The following LZTR1 variants were observed in gnomAD, a reference collection of about 807,000 sequenced individuals.
The protein encoded by LZTR1 is leucine-zipper-like transcriptional regulator 1.
LZTR1 carries 260 observed loss-of-function variants against 105.7 expected under a neutral mutation model. That is an observed-to-expected ratio of 2.46 (90% confidence interval 2.22 to 2.72). The LOEUF (loss-of-function observed/expected upper bound fraction) is 2.72, where lower values mean the gene tolerates loss of function less well. Among genes scored for constraint, LZTR1 ranks in the 30% most tolerant of loss-of-function variants. The pLI is 0.00. For missense variants in LZTR1, 1,214 were observed against 1,166.9 expected, an observed-to-expected ratio of 1.04 and a Z score of -0.59; for synonymous variants, 490 against 476.4, an observed-to-expected ratio of 1.03 and a Z score of -0.37.
In LZTR1 at chr22:20,995,441, C is replaced by A. The variant is rs1276375326; in HGVS notation, c.1943-305C>A. On this transcript the variant is annotated intron_variant, in intron 16 of 20. Coordinates refer to ENST00000646124, the MANE Select transcript of LZTR1 (RefSeq NM_006767.4). ...GCTGGCTCTTGGTGATGTCTGCAGGCACCAGAGGCCATGCAGTGGGCCTGG... is the reference window on the plus strand; with the variant it reads ...GCTGGCTCTTGGTGATGTCTGCAGGAACCAGAGGCCATGCAGTGGGCCTGG... The A allele has an allele frequency of 4.7e-6, 3 of 634,992 alleles. No individual in the cohort carries two copies. The Admixed American group carries it at 6.3e-5, about 13-fold the overall frequency. 39.3% of individuals were successfully genotyped at this position (634,992 alleles called of 1,614,324 possible). A position where few individuals can be genotyped will look rare whatever the true frequency, so the allele number is the denominator to read the frequency against.
rs774765005 is a variant in LZTR1, at chr22:20,982,515, C to G, written c.144C>G (p.Phe48Leu). 42 of 1,613,046 alleles carry G rather than the reference C, an allele frequency of 2.6e-5. No homozygotes were observed. The East Asian group carries it at 9.1e-4, about 35-fold the overall frequency. ...VEYLTLNFGP[F>L]ETVHRWRRLP... ...ACCTGACGCTCAACTTCGGGCCCTT[C>G]GAAACAGTGCATCGCTGGCGGCGCC... is the stretch of plus-strand genomic sequence containing the variant. The change falls in exon 1 of 21, where the codon TTC (phenylalanine) becomes TTG (leucine). Residue 48 changes from phenylalanine (F) to leucine (L), a missense_variant. Transcript: ENST00000646124.
At chr22:20,997,124 T>C in intron 20 of LZTR1, 108 bp from the exon 21 acceptor site, 1 of 1,124,246 alleles carries the variant, frequency 8.9e-7, no homozygotes, top group Non-Finnish European at 1.3e-6. Flanking sequence ...GCTTCATCCT[T>C]GGGACCAGCC....
rs116921548 is a variant in LZTR1 at position 20,997,425 on chromosome 22, C to G, written c.*77C>G. On this transcript the variant is annotated 3_prime_UTR_variant, in exon 21 of 21. Coordinates refer to ENST00000646124, the MANE Select transcript of LZTR1 (RefSeq NM_006767.4). ...CCTACTGAGAAGACTACCGGCTATG[C>G]GCATGCCTATGGCAGTGGGTGCACC... The G allele has an allele frequency of 0.017, 19,179 of 1,111,270 alleles. 1,271 individuals carry two copies. In the East Asian group the frequency reaches 0.18, roughly 10 times the overall value. 68.8% of individuals were successfully genotyped at this position (1,111,270 alleles called of 1,614,324 possible).
intron 1 of LZTR1, 67 bp downstream of exon 1, chr22:20,982,638 A>T (rs1924238253): frequency 1.3e-6 from 2 of 1,506,422 alleles, no homozygotes; most frequent in African/African-American, 2.7e-5. Flanking sequence ...GGGCGGGTCC[A>T]GGGGCGAAGC....
intron 2 of LZTR1, among the ~76,000 whole-genome samples, chr22:20,984,506 A>G (rs1408664101): frequency 1.3e-5 from 2 of 151,944 alleles, no homozygotes; most frequent in East Asian, 1.9e-4. Flanking sequence ...TTGCTGCAGT[A>G]TGACAAAGAA....
chr22:20,994,390 G>A (rs1353195723), intron 14 of LZTR1, 121 bp downstream of exon 14: 5 of 1,303,472 alleles, frequency 3.8e-6, no homozygotes, highest in Non-Finnish European at 5.3e-6. Flanking sequence ...GAGGCTGCAG[G>A]TCACCCTCCT....
chr22:20,990,744 C>T (rs1601718962), intron 8 of LZTR1: 1 of 529,886 alleles, frequency 1.9e-6, no homozygotes, highest in East Asian at 3.4e-5. Context: ...CGAGGAGGCC[C>T]CTGGCTAGGC....
intron 11 of LZTR1, 158 bp from the exon 12 acceptor site, chr22:20,993,504 G>T: frequency 1.6e-6 from 1 of 616,840 alleles, no homozygotes; most frequent in South Asian, 1.9e-5. Flanking sequence ...TTTTCAGGGT[G>T]GGGTAGCGGC....
rs565164487 is a variant in LZTR1, at chr22:20,997,618, G to A, written c.*270G>A. 3.2e-5 allele frequency: 12 copies of A among 371,568 alleles called. No homozygotes were observed. The highest frequency in any genetic ancestry group is 2.1e-4 in the African/African-American group (10 of 48,512). 23.0% of individuals were successfully genotyped at this position (371,568 alleles called of 1,614,324 possible). On this transcript the variant is annotated 3_prime_UTR_variant, in exon 21 of 21. Transcript: ENST00000646124. ...TGGTGTAGTGTGGATGCGAGGCCAC[G>A]GCTCAGTGATGGGCTCACCACCCAG...
rs772643938 is a variant in LZTR1, at chr22:20,991,624, C to G, written c.792-4C>G. On this transcript the variant is annotated splice_region_variant and splice_polypyrimidine_tract_variant and intron_variant, in intron 8 of 20. Transcript: ENST00000646124. ...AGCATTGATTCACTGTTGTGTACCC[C>G]CAGGTGGACACGCATCCCAACTGAA... 1.5e-5 allele frequency: 23 copies of G among 1,579,580 alleles called. No homozygotes were observed. In the African/African-American group the frequency reaches 3.1e-4, roughly 21 times the overall value.
chr22:20,997,063 G>C (rs1396373924), intron 20 of LZTR1, 97 bp downstream of exon 20: 2 of 1,328,838 alleles, frequency 1.5e-6, no homozygotes, highest in Admixed American at 3.5e-5. Flanking sequence ...CCCTGCAGTG[G>C]TGGGCCCTGG....
Position 20,994,105 on chromosome 22 carries a change from A to C in LZTR1, c.1451A>C (p.Lys484Thr), listed in dbSNP as rs1370549934. ...CCTTGAGCTCCCTTCTCCCCACAGAAGCTGGAGCAGGAGGCCGCCCCAGTT... is the reference window on the plus strand; with the variant it reads ...CCTTGAGCTCCCTTCTCCCCACAGACGCTGGAGCAGGAGGCCGCCCCAGTT... Reference protein sequence around the residue: ...ITQARERLAQKLEQEAAPVPR... With the variant: ...ITQARERLAQTLEQEAAPVPR... Residue 484 changes from lysine to threonine, a missense_variant and splice_region_variant, in exon 14 of 21, where the codon AAG becomes ACG. Physicochemically the swap from Lys to Thr is moderately conservative, Grantham distance 78 (BLOSUM62 -1). Coordinates refer to ENST00000646124, the MANE Select transcript of LZTR1 (RefSeq NM_006767.4). The C allele has an allele frequency of 6.3e-7, 1 of 1,578,294 alleles. No homozygotes were observed. The highest frequency in any genetic ancestry group is 8.6e-7 in the Non-Finnish European group (1 of 1,160,156).
chr22:20,988,074 C>A lies in LZTR1; in HGVS notation c.465C>A (p.Tyr155Ter), dbSNP rs753295968. 6.2e-7 allele frequency: 1 copy of A among 1,613,544 alleles called. No individual in the cohort carries two copies. The change falls in exon 5 of 21, where the codon TAC (tyrosine) becomes TAA (stop). Residue 155 changes from tyrosine (Y) to a stop codon, truncating the protein, a stop_gained. Coordinates refer to ENST00000646124, the MANE Select transcript of LZTR1 (RefSeq NM_006767.4). LOFTEE classifies it high-confidence loss of function. ...NLKNKNDLFEYKFATGQWTEW... is the reference protein window; with the variant it reads ...NLKNKNDLFE ...AGAATAAAAACGACCTCTTTGAATA[C>A]AAGTTTGCAACTGGCCAGTGGACGG... is the stretch of plus-strand genomic sequence containing the variant.
At chr22:20,983,536 C>G (rs967507801) in intron 2 of LZTR1, among the ~76,000 whole-genome samples, 1 of 152,246 alleles carries the variant, frequency 6.6e-6, no homozygotes, top group African/African-American at 2.4e-5. Context: ...GTGGGCACAC[C>G]TCCTTTCACA....
intron 18 of LZTR1, chr22:20,996,467 A>T: frequency 1.7e-6 from 1 of 595,390 alleles, no homozygotes; most frequent in South Asian, 2.0e-5. Context: ...TAGGCCTGCA[A>T]GGCCATGGAA....
intron 7 of LZTR1, among the ~76,000 whole-genome samples, chr22:20,989,971 G>A (rs183162852): frequency 7.2e-5 from 11 of 152,344 alleles, no homozygotes; most frequent in East Asian, 1.9e-4. Context: ...AGAGTGCCAC[G>A]TGTGTGAGGA....
At position 20,985,828 on chromosome 22, in the gene LZTR1, G is replaced by A. The variant is rs587777176; in HGVS notation, c.264-13G>A. 3.9e-5 allele frequency: 63 copies of A among 1,613,824 alleles called. No individual in the cohort carries two copies. Among genetic ancestry groups the A allele is most frequent in the Admixed American group, 3.8e-4 (23 of 60,006 alleles). ...CCTGGCTAATGCCACCCTCTCTTCC[G>A]GCTGCCTTTCAGGAAGACCATGCTC... On this transcript the variant is annotated splice_polypyrimidine_tract_variant and intron_variant, in intron 2 of 20. Coordinates refer to ENST00000646124, the MANE Select transcript of LZTR1 (RefSeq NM_006767.4).
rs1924810049 is a variant in LZTR1 at position 20,995,726 on chromosome 22, A to G, written c.1943-20A>G. On this transcript the variant is annotated intron_variant, in intron 16 of 20. Coordinates refer to ENST00000646124, the MANE Select transcript of LZTR1 (RefSeq NM_006767.4). ...CCAGAATCCCAGGCTGTACCTGCTC[A>G]GGGACCCTCCTACCCCCAGGCACAT... 5 of 1,612,976 alleles carry G rather than the reference A, an allele frequency of 3.1e-6. No individual in the cohort carries two copies. Among genetic ancestry groups the G allele is most frequent in the African/African-American group, 2.7e-5 (2 of 74,896 alleles).
rs1924608519 is a variant in LZTR1 at position 20,991,639 on chromosome 22, TC to T, written c.806del (p.Pro269GlnfsTer82). ...FEFKDKTWTR[I>X]PTEHLLRGSP... Reference sequence around the variant, plus strand: ...TTGTGTACCCCCAGGTGGACACGCATCCCAACTGAACACCTGCTCCGGGGCT... The same window carrying T: ...TTGTGTACCCCCAGGTGGACACGCATCCAACTGAACACCTGCTCCGGGGCT... On this transcript the variant is annotated frameshift_variant, in exon 9 of 21. Coordinates refer to ENST00000646124, the MANE Select transcript of LZTR1 (RefSeq NM_006767.4). LOFTEE classifies it high-confidence loss of function. The T allele has an allele frequency of 6.3e-7, 1 of 1,595,856 alleles. No individual in the cohort carries two copies.
Sources: gnomAD v4.1 joint callset for allele counts (sites outside exome capture counted in the v4.1 genomes callset) on GRCh38, gnomAD v4.1.1 for gene constraint, MANE v1.5 for transcripts, NCBI Gene and HGNC (gene_info 2026-07-23, HGNC 2026-07-21) for gene names.